The following KANSL3 variants were observed in gnomAD, a reference collection of about 807,000 sequenced individuals.
The protein encoded by KANSL3 is NSL complex protein NSL3.
KANSL3 carries 16 observed loss-of-function variants against 89.2 expected under a neutral mutation model. The ratio of observed to expected loss-of-function variants is 0.18; its 90% CI spans 0.12 to 0.27. The LOEUF (loss-of-function observed/expected upper bound fraction) is 0.27, where lower values mean the gene tolerates loss of function less well. Among genes scored for constraint, KANSL3 ranks in the 10% least tolerant of loss-of-function variants. KANSL3 has a pLI of 1.00. For synonymous variants in KANSL3, 385 were observed against 419.7 expected (o/e 0.92, Z 1.01); for missense variants, 879 against 1,110.6 (o/e 0.79, Z 2.96).
Position 96,608,947 on chromosome 2 carries a change from C to T in KANSL3, c.1501G>A (p.Asp501Asn). 6.4e-7 allele frequency: 1 copy of T among 1,566,402 alleles called. No homozygotes were observed. The highest frequency in any genetic ancestry group is 8.7e-7 in the Non-Finnish European group (1 of 1,155,396). The change falls in exon 13 of 21, where the codon GAC becomes AAC. Residue 501 changes from aspartate (D) to asparagine (N), a missense_variant. Physicochemically the swap from Asp to Asn is conservative, Grantham distance 23 (BLOSUM62 1). Around this residue, in one of 6 missense-constraint regions of KANSL3, gnomAD observed 317 missense variants for 311.2 expected, o/e 1.02. Coordinates refer to ENST00000431828, the MANE Select transcript of KANSL3 (RefSeq NM_001115016.3). Reference sequence around the variant, plus strand: ...CGCTCAGGGACTTCAAAGGCCAAGTCTCTGCGGGCCACATCGCGGGGCTTC... The same window carrying T: ...CGCTCAGGGACTTCAAAGGCCAAGTTTCTGCGGGCCACATCGCGGGGCTTC... ...KKKPRDVARR[D>N]LAFEVPERGS...
At chr2:96,580,804 T>G in the KANSL3 span, among the ~76,000 whole-genome samples, 1 of 152,246 alleles carries the variant, frequency 6.6e-6, no homozygotes. Flanking sequence ...ATGCCTACAG[T>G]GGGCTCCACA....
At chr2:96,598,352 G>C (rs1217301171) in intron 20 of KANSL3, among the ~76,000 whole-genome samples, 2 of 152,072 alleles carry the variant, frequency 1.3e-5, no homozygotes, top group African/African-American at 4.8e-5. Context: ...GGGGGTGGAG[G>C]GGAAGAAAAC....
intron 3 of KANSL3, 120 bp downstream of exon 3, chr2:96,631,192 T>C (rs780673296): frequency 6.8e-6 from 5 of 734,900 alleles, no homozygotes; most frequent in Non-Finnish European, 1.1e-5. Flanking sequence ...ATGTGAGACT[T>C]TGGAGAACAC....
intron 2 of KANSL3, among the ~76,000 whole-genome samples, chr2:96,634,993 T>C (rs557470699): frequency 6.6e-6 from 1 of 152,316 alleles, no homozygotes; most frequent in Admixed American, 6.5e-5. Flanking sequence ...TATTAACCTA[T>C]TCACTCTACC....
chr2:96,630,051 G>C (rs1376071254), intron 3 of KANSL3, among the ~76,000 whole-genome samples: 5 of 152,152 alleles, frequency 3.3e-5, no homozygotes, highest in Non-Finnish European at 7.4e-5. Context: ...GGAGAAACTA[G>C]AACTCTCATA....
Position 96,601,315 on chromosome 2 carries a change from T to C in KANSL3, c.2616+328A>G. 4 of 985,078 alleles carry C rather than the reference T, an allele frequency of 4.1e-6. No homozygotes were observed. The South Asian group carries it at 1.4e-4, about 35-fold the overall frequency. 61.0% of individuals were successfully genotyped at this position (985,078 alleles called of 1,614,324 possible). ...GAAAGAGCATTAGCCAAGTAGCCTC[T>C]ACTCATAACCTCTGAAGGATGAAAC... On this transcript the variant is annotated intron_variant, in intron 20 of 20. Transcript: ENST00000431828.
rs1470685483 is a variant in KANSL3 at position 96,609,006 on chromosome 2, G to C, written c.1442C>G (p.Ser481Cys). Residue 481 changes from serine to cysteine, a missense_variant, in exon 13 of 21, where the codon TCT (serine) becomes TGT (cysteine). Coordinates refer to ENST00000431828, the MANE Select transcript of KANSL3 (RefSeq NM_001115016.3). The stretch of plus-strand genomic sequence containing the variant: ...CTCAGCATCCTGATCCCGAGGTTCA[G>C]AGCCCATGTGACCCTCAGCACGAGT... The part of the protein sequence containing the change: ...VLTRAEGHMG[S>C]EPRDQDAEKK... 2 of 1,565,252 alleles carry C rather than the reference G, an allele frequency of 1.3e-6. No homozygotes were observed. The highest frequency in any genetic ancestry group is 2.4e-5 in the East Asian group (1 of 42,204).
intron 20 of KANSL3, among the ~76,000 whole-genome samples, chr2:96,597,222 G>C (rs1432015941): frequency 6.6e-6 from 1 of 152,170 alleles, no homozygotes; most frequent in Non-Finnish European, 1.5e-5. Flanking sequence ...CAACTATCCA[G>C]TCAGTGTTAA....
intron 2 of KANSL3, among the ~76,000 whole-genome samples, chr2:96,634,747 A>C (rs1019987290): frequency 4.6e-5 from 7 of 152,224 alleles, no homozygotes; most frequent in Non-Finnish European, 1.0e-4. Context: ...GTGCAGCTAG[A>C]TTTGGTGGTG....
intron 5 of KANSL3, 22 bp from the exon 6 acceptor site, chr2:96,613,641 G>A: frequency 3.7e-6 from 6 of 1,608,538 alleles, no homozygotes; most frequent in Non-Finnish European, 5.1e-6. Context: ...AAAGAGCAAA[G>A]ATGACTCCAG....
intron 2 of KANSL3, among the ~76,000 whole-genome samples, chr2:96,631,804 T>C (rs2073435040): frequency 1.3e-5 from 2 of 152,024 alleles, no homozygotes; most frequent in African/African-American, 2.4e-5. Context: ...ACCACCACTT[T>C]GGGAAGCCGA....
intron 5 of KANSL3, among the ~76,000 whole-genome samples, chr2:96,617,768 C>A (rs1280050740): frequency 1.3e-5 from 2 of 151,728 alleles, no homozygotes; most frequent in Admixed American, 1.3e-4. Context: ...GAGGCCGAGG[C>A]GGGCGGATCA....
intron 5 of KANSL3, chr2:96,615,526 C>A: frequency 7.8e-7 from 1 of 1,287,090 alleles, no homozygotes; most frequent in South Asian, 1.2e-5. Flanking sequence ...CCATGCTACC[C>A]ACAAAAGGTC....
intron 2 of KANSL3, among the ~76,000 whole-genome samples, chr2:96,634,367 T>C (rs1431247844): frequency 1.3e-5 from 2 of 152,172 alleles, no homozygotes; most frequent in Non-Finnish European, 2.9e-5. Context: ...ACTAAAAATA[T>C]TAGCCAGGCA....
chr2:96,602,432 T>TA, intron 18 of KANSL3, 94 bp from the exon 19 acceptor site: 1 of 883,252 alleles, frequency 1.1e-6, no homozygotes, highest in South Asian at 1.5e-5. Flanking sequence ...AAGGCTAACA[T>TA]GTATTGAGTG....
the KANSL3 span, among the ~76,000 whole-genome samples, chr2:96,582,963 G>A: frequency 6.6e-6 from 1 of 152,214 alleles, no homozygotes; most frequent in African/African-American, 2.4e-5. Context: ...GACACAGTGT[G>A]CAGAATATCT....
In KANSL3 at chr2:96,619,433, T is replaced by C; in HGVS notation, c.589A>G (p.Thr197Ala). 1.9e-6 allele frequency: 3 copies of C among 1,613,916 alleles called. No homozygotes were observed. Among genetic ancestry groups the C allele is most frequent in the Non-Finnish European group, 2.5e-6 (3 of 1,179,864 alleles). ...WDTKLIQWLHTTLVETLSLPM... is the reference protein window; with the variant it reads ...WDTKLIQWLHATLVETLSLPM... The stretch of plus-strand genomic sequence containing the variant: ...AGACTCAAGGTCTCCACAAGGGTGG[T>C]GTGCAGCCACTGGATCAGCTTGGTA... The change falls in exon 5 of 21, where the codon ACC becomes GCC. Residue 197 changes from threonine to alanine, a missense_variant. This residue lies in a region of KANSL3 where 210 missense variants were observed against 311.9 expected (regional missense o/e 0.67). Transcript: ENST00000431828.
At chr2:96,613,983 G>A (rs1191574965) in intron 5 of KANSL3, among the ~76,000 whole-genome samples, 2 of 152,120 alleles carry the variant, frequency 1.3e-5, no homozygotes, top group African/African-American at 4.8e-5. Flanking sequence ...AATTAACTAT[G>A]AATAATAATA....
chr2:96,605,670 C>T (rs905459157), intron 14 of KANSL3, 159 bp from the exon 15 acceptor site: 1 of 578,718 alleles, frequency 1.7e-6, no homozygotes, highest in African/African-American at 1.9e-5. Context: ...GCCCATGCTT[C>T]AGGACCACTT....
Sources: allele counts gnomAD v4.1 joint callset (sites outside exome capture counted in the v4.1 genomes callset), GRCh38; gene constraint gnomAD v4.1.1; regional missense constraint gnomAD v4.1.1; transcripts MANE v1.5; gene names NCBI Gene and HGNC (gene_info 2026-07-23, HGNC 2026-07-21).